UCHL5: variants seen among roughly 807,000 people sequenced by gnomAD.
UCHL5 encodes ubiquitin C-terminal hydrolase L5.
A neutral mutation model predicts 53.8 loss-of-function variants in UCHL5; 34 were observed. The observed-to-expected ratio is 0.63, with a 90% CI of 0.48 to 0.84. UCHL5 has a LOEUF of 0.84. UCHL5 is among the 40% of genes least tolerant of loss of function. UCHL5 has a pLI of 0.00. For missense variants in UCHL5, 290 were observed against 385.6 expected, an observed-to-expected ratio of 0.75 and a Z score of 2.08; for synonymous variants, 111 against 126.3, an observed-to-expected ratio of 0.88 and a Z score of 0.81.
chr1:193,049,640 G>T, intron 3 of UCHL5, 106 bp downstream of exon 3: 1 of 751,224 alleles, frequency 1.3e-6, no homozygotes, highest in Non-Finnish European at 2.0e-6. Flanking sequence ...TTTTAAGAGT[G>T]TAAGAGTTTG....
At chr1:193,031,375 T>C (rs1054844094) in intron 3 of UCHL5, among the ~76,000 whole-genome samples, 12 of 152,150 alleles carry the variant, frequency 7.9e-5, no homozygotes, top group African/African-American at 2.7e-4. Context: ...TTATCAAACA[T>C]TTCTATAATC....
At chr1:193,054,569 A>G (rs145562161) in intron 1 of UCHL5, among the ~76,000 whole-genome samples, 3 of 152,310 alleles carry the variant, frequency 2.0e-5, no homozygotes, top group Non-Finnish European at 4.4e-5. Context: ...TATTTTAACT[A>G]AAATGGGAGC....
chr1:193,028,447 A>T (rs1052767318), intron 6 of UCHL5, among the ~76,000 whole-genome samples: 2 of 152,188 alleles, frequency 1.3e-5, no homozygotes, highest in Admixed American at 6.5e-5. Context: ...TAATTTTTTT[A>T]AAATCTAAAA....
chr1:193,051,721 TATAC>T (rs753291730), intron 2 of UCHL5, 29 bp downstream of exon 2: 1 of 1,300,792 alleles, frequency 7.7e-7, no homozygotes, highest in Non-Finnish European at 1.1e-6. Flanking sequence ...AGTATATATA[TATAC>T]ATATTAACAC....
At chr1:193,025,161 A>G (rs1452163529) in intron 7 of UCHL5, among the ~76,000 whole-genome samples, 1 of 152,192 alleles carries the variant, frequency 6.6e-6, no homozygotes, top group Non-Finnish European at 1.5e-5. Context: ...AAGCCCCAAC[A>G]AAAGTCTGCT....
At position 193,042,648 on chromosome 1, in the gene UCHL5, T is replaced by TA. The variant is rs753508854; in HGVS notation, c.246+7097dup. Among the ~76,000 whole-genome samples the TA allele has an allele frequency of 2.0e-4, 31 of 152,322 alleles. 1 individual carries two copies. The highest frequency in any genetic ancestry group is 1.5e-3 in the South Asian group (7 of 4,820). ...GGACTTCTGCAAAAGCCTCCTAACT[T>TA]ACATCTACTCTTGTCCTACACTACT... On this transcript the variant is annotated intron_variant, in intron 3 of 10. Transcript: ENST00000367454.
chr1:193,022,822 G>T, intron 9 of UCHL5, 104 bp downstream of exon 9: 1 of 715,988 alleles, frequency 1.4e-6, no homozygotes. Context: ...TTTGAAATCT[G>T]GTAAATGATA....
intron 10 of UCHL5, chr1:193,020,233 A>G (rs1189569240): frequency 2.3e-5 from 33 of 1,458,968 alleles, no homozygotes; most frequent in Non-Finnish European, 3.0e-5. Context: ...TTTAGAATGT[A>G]TAACATGAAA....
Position 193,028,153 on chromosome 1 carries a change from A to G in UCHL5, c.566-5T>C, listed in dbSNP as rs370204777. 2.8e-5 allele frequency: 44 copies of G among 1,584,810 alleles called. No individual in the cohort carries two copies. The African/African-American group carries it at 4.1e-4, about 15-fold the overall frequency. Reference sequence around the variant, plus strand: ...AATCATCTTGATTGCATGCACCTAGAAAGAAATTTTAAAACAGTTAACACA... The same window carrying G: ...AATCATCTTGATTGCATGCACCTAGGAAGAAATTTTAAAACAGTTAACACA... On this transcript the variant is annotated splice_polypyrimidine_tract_variant and splice_region_variant and intron_variant, in intron 6 of 10. Transcript: ENST00000367454.
chr1:193,039,661 CG>C (rs1664844398), intron 3 of UCHL5, among the ~76,000 whole-genome samples: 1 of 152,042 alleles, frequency 6.6e-6, no homozygotes, highest in African/African-American at 2.4e-5. Context: ...AAAATTTATA[CG>C]GAACACAAAA....
intron 9 of UCHL5, among the ~76,000 whole-genome samples, chr1:193,021,844 TAATTA>T (rs1269002023): frequency 1.3e-5 from 2 of 152,176 alleles, no homozygotes; most frequent in Non-Finnish European, 2.9e-5. Context: ...TTCAGTTAAT[TAATTA>T]AATTAAAGCT....
At chr1:193,019,786 G>T in intron 10 of UCHL5, 1 of 816,802 alleles carries the variant, frequency 1.2e-6, no homozygotes, top group Non-Finnish European at 1.5e-6. Context: ...TTACTAATTT[G>T]CACACACAAA....
chr1:193,057,327 G>T, intron 1 of UCHL5: 1 of 166,408 alleles, frequency 6.0e-6, no homozygotes, highest in Non-Finnish European at 1.4e-5. Context: ...TGTAAGGTTG[G>T]CAGCCCTGAG....
intron 3 of UCHL5, among the ~76,000 whole-genome samples, chr1:193,039,201 CA>C (rs752268922): frequency 1.3e-5 from 2 of 151,992 alleles, no homozygotes; most frequent in Non-Finnish European, 2.9e-5. Context: ...AACCTGGCCT[CA>C]AGTTTGAGAC....
intron 10 of UCHL5, among the ~76,000 whole-genome samples, chr1:193,016,638 T>C (rs1352080032): frequency 6.6e-6 from 1 of 151,776 alleles, no homozygotes; most frequent in African/African-American, 2.4e-5. Context: ...TATCTGAAGG[T>C]GAAATGAATT....
At chr1:193,023,273 C>T (rs1232146005) in intron 8 of UCHL5, among the ~76,000 whole-genome samples, 3 of 152,146 alleles carry the variant, frequency 2.0e-5, no homozygotes, top group African/African-American at 7.2e-5. Context: ...GTAATATACT[C>T]TATTGCCATA....
intron 3 of UCHL5, among the ~76,000 whole-genome samples, chr1:193,048,162 C>T (rs1211887429): frequency 1.3e-5 from 2 of 152,070 alleles, no homozygotes; most frequent in African/African-American, 2.4e-5. Context: ...AAAGAACAAA[C>T]GAGAGACAAA....
chr1:193,056,112 A>G (rs945037386), intron 1 of UCHL5, among the ~76,000 whole-genome samples: 1 of 152,108 alleles, frequency 6.6e-6, no homozygotes, highest in Non-Finnish European at 1.5e-5. Flanking sequence ...AACTTTGGTA[A>G]TTTGTGTCTT....
intron 2 of UCHL5, among the ~76,000 whole-genome samples, chr1:193,050,422 A>C (rs1200722340): frequency 1.3e-5 from 2 of 152,060 alleles, no homozygotes; most frequent in South Asian, 2.1e-4. Context: ...ACTGCCTCCC[A>C]CCCCACAAAA....
Sources: gnomAD v4.1 joint callset for allele counts (sites outside exome capture counted in the v4.1 genomes callset) on GRCh38, gnomAD v4.1.1 for gene constraint, MANE v1.5 for transcripts, NCBI Gene and HGNC (gene_info 2026-07-23, HGNC 2026-07-21) for gene names.